The following SHANK2 variants were observed in gnomAD, a reference collection of about 807,000 sequenced individuals.
SHANK2 encodes the protein SH3 and multiple ankyrin repeat domains 2.
Under a neutral mutation model 133.7 loss-of-function variants are expected in SHANK2, and 43 were observed. That is an observed-to-expected ratio of 0.32 (90% CI 0.25 to 0.41). The LOEUF is 0.41. Ranked by LOEUF, SHANK2 falls within the 10% of genes least tolerant of loss-of-function variation. SHANK2 has a pLI of 1.00. For missense variants in SHANK2, 1,994 were observed against 2,235.8 expected, an observed-to-expected ratio of 0.89 and a Z score of 2.18; for synonymous variants, 1,017 against 952.8, an observed-to-expected ratio of 1.07 and a Z score of -1.24.
In SHANK2 at chr11:70,586,078, G is replaced by A. The variant is rs146460993; in HGVS notation, c.2061+73750C>T. Among the ~76,000 whole-genome samples the A allele has an allele frequency of 2.6e-4, 39 of 152,294 alleles. No homozygotes were observed. In the East Asian group the frequency reaches 6.6e-3, roughly 26 times the overall value. ...AAGTGACAACTGAACAAGTAGCCAC[G>A]AGTGTGGTGAAGTTTCTTGGAGAAT... On this transcript the variant is annotated intron_variant, in intron 17 of 25. Coordinates refer to ENST00000601538, the MANE Select transcript of SHANK2 (RefSeq NM_012309.5).
chr11:70,643,480 C>T (rs758775178), intron 17 of SHANK2, among the ~76,000 whole-genome samples: 10 of 148,678 alleles, frequency 6.7e-5, no homozygotes, highest in East Asian at 2.0e-4. Context: ...AGGAGAATGG[C>T]GTGAACCCAG....
chr11:70,634,214 A>T (rs1650497962), intron 17 of SHANK2: 1 of 151,970 alleles, frequency 6.6e-6, no homozygotes, highest in Admixed American at 6.6e-5. Flanking sequence ...GGACAGTGAC[A>T]CTGGGGCCCG....
chr11:71,231,090 T>A (rs1954733485), intron 1 of SHANK2, among the ~76,000 whole-genome samples: 1 of 152,116 alleles, frequency 6.6e-6, no homozygotes, highest in Non-Finnish European at 1.5e-5. Flanking sequence ...AATTAAAAAC[T>A]TTTGCTCTGA....
At chr11:70,496,546 C>A (rs1179098934) in intron 21 of SHANK2, among the ~76,000 whole-genome samples, 2 of 152,242 alleles carry the variant, frequency 1.3e-5, no homozygotes, top group Non-Finnish European at 2.9e-5. Context: ...ATAATGACAG[C>A]CGTCCCTGAA....
At position 71,145,179 on chromosome 11, in the gene SHANK2, G is replaced by A. The variant is rs373256516; in HGVS notation, c.207+1941C>T. 2.4e-4 allele frequency among the ~76,000 whole-genome samples: 37 copies of A among 152,298 alleles called. No homozygotes were observed. The East Asian group carries it at 6.7e-3, about 28-fold the overall frequency. ...GGCCAGATTAGCTCTAGGGCATCAG[G>A]CCACCCTGAGCCTCCCCCACAACGG... On this transcript the variant is annotated intron_variant, in intron 3 of 25. Transcript: ENST00000601538.
intron 3 of SHANK2, among the ~76,000 whole-genome samples, chr11:71,142,001 G>A (rs1402797435): frequency 1.3e-5 from 2 of 151,892 alleles, no homozygotes; most frequent in Non-Finnish European, 2.9e-5. Flanking sequence ...ATTAAAAGAA[G>A]AAAAGCCCCC....
intron 2 of SHANK2, among the ~76,000 whole-genome samples, chr11:71,222,005 G>A (rs1378359977): frequency 6.6e-6 from 1 of 152,162 alleles, no homozygotes; most frequent in African/African-American, 2.4e-5. Flanking sequence ...AGAAGCCGCT[G>A]GAGGGTGAAG....
intron 17 of SHANK2, among the ~76,000 whole-genome samples, chr11:70,583,881 G>T (rs888483375): frequency 6.6e-6 from 1 of 152,190 alleles, no homozygotes; most frequent in Non-Finnish European, 1.5e-5. Flanking sequence ...GTGGCCCACA[G>T]GTTCCCACGG....
At chr11:70,547,733 T>G (rs1554976653) in intron 17 of SHANK2, among the ~76,000 whole-genome samples, 2 of 152,230 alleles carry the variant, frequency 1.3e-5, no homozygotes, top group African/African-American at 4.8e-5. Context: ...CCCGCTTGAA[T>G]AGCTGACTTG....
At chr11:70,936,904 T>C (rs1233348381) in intron 10 of SHANK2, among the ~76,000 whole-genome samples, 5 of 152,198 alleles carry the variant, frequency 3.3e-5, no homozygotes, top group African/African-American at 1.2e-4. Context: ...CAGCACTGGG[T>C]TTCCAGTTCC....
chr11:71,085,881 ATAACCTT>A (rs1951393478), intron 8 of SHANK2, among the ~76,000 whole-genome samples: 2 of 114 alleles, frequency 0.018, 1 homozygote, highest in African/African-American at 0.038. Context: ...ATATATTTAT[ATAACCTT>A]AATATATATA....
chr11:70,746,820 G>GA (rs1307448841), intron 14 of SHANK2, among the ~76,000 whole-genome samples: 1 of 151,542 alleles, frequency 6.6e-6, no homozygotes, highest in Non-Finnish European at 1.5e-5. Flanking sequence ...CCACACTGGG[G>GA]GAGGGCTCTG....
intron 17 of SHANK2, among the ~76,000 whole-genome samples, chr11:70,594,276 G>A (rs982985083): frequency 3.3e-5 from 5 of 152,188 alleles, no homozygotes; most frequent in African/African-American, 7.2e-5. Flanking sequence ...TGCCAAACAC[G>A]AAAGATCGCG....
Position 70,487,704 on chromosome 11 carries a change from C to T in SHANK2, c.2589G>A (p.Glu863=). The change falls in exon 25 of 26, where the codon GAG becomes GAA. Residue 863 remains glutamate (E), a synonymous_variant. Transcript: ENST00000601538. This position sits in a 1 kb window ranked among gnomAD's most constrained non-coding sequence, Gnocchi z 5.8. The part of the protein sequence containing the change: ...RIFLSGITEE[E]RQFLAPPMLK... ...GCATTGGAGGAGCCAGAAACTGCCGCTCTTCCTCTGTTATTCCTACAAGCA... is the reference window on the plus strand; with the variant it reads ...GCATTGGAGGAGCCAGAAACTGCCGTTCTTCCTCTGTTATTCCTACAAGCA... 3.8e-6 allele frequency: 6 copies of T among 1,564,578 alleles called. No individual in the cohort carries two copies. The highest frequency in any genetic ancestry group is 3.5e-6 in the Non-Finnish European group (4 of 1,154,270).
chr11:70,605,858 T>C (rs1467772947), intron 17 of SHANK2, among the ~76,000 whole-genome samples: 6 of 152,088 alleles, frequency 3.9e-5, no homozygotes, highest in Non-Finnish European at 8.8e-5. Flanking sequence ...CACTTTCTTA[T>C]CTAGAGCTGG....
intron 11 of SHANK2, among the ~76,000 whole-genome samples, chr11:70,881,887 T>G (rs1949666198): frequency 6.6e-6 from 1 of 151,874 alleles, no homozygotes; most frequent in African/African-American, 2.4e-5. Context: ...TATTTATTTA[T>G]TTTTTGTAGA....
At chr11:70,659,529 C>T (rs2061453642) in intron 17 of SHANK2, among the ~76,000 whole-genome samples, 1 of 152,130 alleles carries the variant, frequency 6.6e-6, no homozygotes, top group African/African-American at 2.4e-5. Flanking sequence ...TGCACATGTC[C>T]CCAACATCAT....
intron 2 of SHANK2, among the ~76,000 whole-genome samples, chr11:71,214,629 TGGC>T (rs1209231870): frequency 6.6e-6 from 1 of 152,224 alleles, no homozygotes; most frequent in Non-Finnish European, 1.5e-5. Flanking sequence ...TCAGCAAGTC[TGGC>T]CAGAAGCTAA....
intron 15 of SHANK2, chr11:70,668,617 C>CAAT (rs1318512335): frequency 1.3e-5 from 2 of 152,366 alleles, no homozygotes; most frequent in Non-Finnish European, 2.9e-5. Flanking sequence ...AGATAAACAT[C>CAAT]AATCCACAGT....
Sources: allele counts gnomAD v4.1 joint callset (sites outside exome capture counted in the v4.1 genomes callset), GRCh38; gene constraint gnomAD v4.1.1; non-coding constraint Gnocchi (gnomAD v3.1); transcripts MANE v1.5; gene names NCBI Gene and HGNC (gene_info 2026-07-23, HGNC 2026-07-21).